The following RARA variants were observed in gnomAD, a reference collection of about 807,000 sequenced individuals.
RARA encodes PML-DDX5-RARA fusion.
A neutral mutation model predicts 42.8 loss-of-function variants in RARA; 5 were observed. The observed-to-expected ratio is 0.12, with a 90% CI of 0.06 to 0.25. RARA has a LOEUF of 0.25. Among genes scored for constraint, RARA ranks in the 10% least tolerant of loss-of-function variants. The probability of loss-of-function intolerance (pLI) is 1.00; values close to 1 mark genes in which losing one functional copy is unlikely to be tolerated. For synonymous variants in RARA, 256 were observed against 259.5 expected (o/e 0.99, Z 0.13); for missense variants, 402 against 628.7 (o/e 0.64, Z 3.86).
At chr17:40,330,140 C>T (rs2033653374) in intron 1 of RARA, among the ~76,000 whole-genome samples, 1 of 152,222 alleles carries the variant, frequency 6.6e-6, no homozygotes, top group South Asian at 2.1e-4. Flanking sequence ...TTTGCTTCTG[C>T]AGACAGAAGT....
chr17:40,331,489 G>A (rs1250429342), intron 2 of RARA, 93 bp downstream of exon 2: 1 of 1,401,814 alleles, frequency 7.1e-7, no homozygotes, highest in Non-Finnish European at 9.5e-7. Flanking sequence ...TCTGCTGTGA[G>A]TGGAAGGCAC....
chr17:40,331,932 G>A (rs1016862351), intron 2 of RARA, among the ~76,000 whole-genome samples: 2 of 152,170 alleles, frequency 1.3e-5, no homozygotes, highest in Admixed American at 6.5e-5. Flanking sequence ...CCTTTGTGGG[G>A]AGGATGAGAG....
At chr17:40,339,079 G>A (rs543771852) in intron 2 of RARA, among the ~76,000 whole-genome samples, 312 of 152,322 alleles carry the variant, frequency 2.0e-3, no homozygotes, top group Non-Finnish European at 3.6e-3. Context: ...GGCTGGGCGA[G>A]TTGCCGTTAG....
intron 1 of RARA, among the ~76,000 whole-genome samples, chr17:40,315,811 A>G (rs1195209943): frequency 1.3e-5 from 2 of 152,096 alleles, no homozygotes; most frequent in Non-Finnish European, 2.9e-5. Context: ...TCTAGTTTGA[A>G]GAGGGATGGG....
chr17:40,327,068 CT>C (rs1484039637), intron 1 of RARA, among the ~76,000 whole-genome samples: 4 of 151,724 alleles, frequency 2.6e-5, no homozygotes, highest in Non-Finnish European at 5.9e-5. Context: ...TGATAGGGGT[CT>C]GGGGAGGCCT....
At chr17:40,341,358 G>A (rs1240013825) in intron 2 of RARA, 17 of 1,446,320 alleles carry the variant, frequency 1.2e-5, no homozygotes, top group Admixed American at 2.6e-5. Context: ...CACCCGCGCT[G>A]CCGCGTCGGG....
chr17:40,330,640 T>C (rs2033666149), intron 1 of RARA, among the ~76,000 whole-genome samples: 1 of 152,178 alleles, frequency 6.6e-6, no homozygotes, highest in Non-Finnish European at 1.5e-5. Context: ...TTCTGGGCTC[T>C]GTCCCTGTCT....
At chr17:40,321,340 C>T (rs534893688) in intron 1 of RARA, among the ~76,000 whole-genome samples, 7 of 152,052 alleles carry the variant, frequency 4.6e-5, no homozygotes, top group African/African-American at 1.7e-4. Context: ...CCGCCCTCCC[C>T]TCGCTCCCCC....
Position 40,356,331 on chromosome 17 carries a change from C to CGGGA in RARA, c.*108_*109insAGGG. 2 of 1,258,372 alleles carry CGGGA rather than the reference C, an allele frequency of 1.6e-6. No homozygotes were observed. The highest frequency in any genetic ancestry group is 2.2e-6 in the Non-Finnish European group (2 of 890,482). 78.0% of individuals were successfully genotyped at this position (1,258,372 alleles called of 1,614,324 possible). A position where few individuals can be genotyped will look rare whatever the true frequency, so the allele number is the denominator to read the frequency against. On this transcript the variant is annotated 3_prime_UTR_variant, in exon 9 of 9. Coordinates refer to ENST00000254066, the MANE Select transcript of RARA (RefSeq NM_000964.4). ...CCAGCCCTGCCCCCACCTGCCCTCC[C>CGGGA]GGGCAGTACTGGGGACCTTCCCTGG...
At chr17:40,332,599 C>G (rs1458704176) in intron 2 of RARA, among the ~76,000 whole-genome samples, 2 of 152,226 alleles carry the variant, frequency 1.3e-5, no homozygotes, top group Non-Finnish European at 2.9e-5. Flanking sequence ...CCACCACCAC[C>G]ACTGCTTCCT....
chr17:40,356,943 C>T lies in RARA; in HGVS notation c.*717C>T, dbSNP rs1019368378. The T allele has an allele frequency of 2.6e-6, 1 of 390,334 alleles. No individual in the cohort carries two copies. The highest frequency in any genetic ancestry group is 4.8e-6 in the Non-Finnish European group (1 of 209,242). The allele number at this position is 390,334 out of a possible 1,614,324, so 24.2% of individuals were successfully genotyped here. On this transcript the variant is annotated 3_prime_UTR_variant, in exon 9 of 9. Transcript: ENST00000254066. ...CCCCAGTTCTCCTCCTCAGCCTTTT[C>T]CTCCTCAGTTTTCTCTTTAAAACTG...
At chr17:40,330,318 C>G (rs924635636) in intron 1 of RARA, among the ~76,000 whole-genome samples, 2 of 152,116 alleles carry the variant, frequency 1.3e-5, no homozygotes, top group Admixed American at 1.3e-4. Flanking sequence ...TTAGTGTGTA[C>G]GTAAATGGGC....
At chr17:40,332,148 C>T (rs1050675303) in intron 2 of RARA, among the ~76,000 whole-genome samples, 3 of 152,152 alleles carry the variant, frequency 2.0e-5, no homozygotes, top group Admixed American at 6.5e-5. Flanking sequence ...TGGGAGGTGG[C>T]GGCAGCTCTG....
Position 40,320,428 on chromosome 17 carries a change from CACCCCATCT to C in RARA, c.-362-10427_-362-10419del, listed in dbSNP as rs1340212498. ...ACACATGCCATGACGTGGTTCCTGC[CACCCCATCT>C]AAGTATGGGGGAGAGGACATTGTCT... On this transcript the variant is annotated intron_variant, in intron 1 of 8. Transcript: ENST00000254066. The surrounding 1 kb of genome is among the most constrained non-coding windows in gnomAD (Gnocchi z 4.1). Among the ~76,000 whole-genome samples the C allele has an allele frequency of 6.6e-6, 1 of 152,204 alleles. No individual in the cohort carries two copies. The highest frequency in any genetic ancestry group is 1.5e-5 in the Non-Finnish European group (1 of 68,036).
At chr17:40,317,696 T>A (rs1006603691) in intron 1 of RARA, among the ~76,000 whole-genome samples, 2 of 150,184 alleles carry the variant, frequency 1.3e-5, no homozygotes, top group Non-Finnish European at 2.9e-5. Flanking sequence ...ACTCCTGGAC[T>A]CTTTTTTTTT....
rs180729808 is a variant in RARA, at chr17:40,349,948, C to T, written c.469+23C>T. On this transcript the variant is annotated intron_variant, in intron 4 of 8. Coordinates refer to ENST00000254066, the MANE Select transcript of RARA (RefSeq NM_000964.4). ...AGTGTGAGTGCCATAGGGCAGGGGC[C>T]GAGTCCCGCCTCAGTTGGGGTCTCA... 4.9e-5 allele frequency: 79 copies of T among 1,611,192 alleles called. 1 individual carries two copies. Among genetic ancestry groups the T allele is most frequent in the Non-Finnish European group, 6.2e-5 (73 of 1,177,812 alleles).
rs1021094724 is a variant in RARA at position 40,355,757 on chromosome 17, G to A, written c.1172-252G>A. On this transcript the variant is annotated intron_variant, in intron 8 of 8. Transcript: ENST00000254066. The surrounding 1 kb of genome is among the most constrained non-coding windows in gnomAD (Gnocchi z 4.1). ...ATGATCCCTAGCACACAGCACAGGG[G>A]AAGGAAGGGCTTGGCGTCTAGCCCA... Among the ~76,000 whole-genome samples the A allele has an allele frequency of 3.3e-5, 5 of 152,256 alleles. No individual in the cohort carries two copies. Among genetic ancestry groups the A allele is most frequent in the African/African-American group, 1.2e-4 (5 of 41,470 alleles).
In RARA at chr17:40,354,232, G is replaced by C. The variant is rs938478757; in HGVS notation, c.808-70G>C. 1.4e-6 allele frequency: 2 copies of C among 1,461,808 alleles called. No homozygotes were observed. The highest frequency in any genetic ancestry group is 2.8e-5 in the African/African-American group (2 of 71,528). 90.6% of individuals were successfully genotyped at this position (1,461,808 alleles called of 1,614,324 possible). A position where few individuals can be genotyped will look rare whatever the true frequency, so the allele number is the denominator to read the frequency against. ...GTGGTCCTCCGGGAGTGCTGGTGCG[G>C]AGTGCTGGTGCCGAGTGCTCAGAGT... On this transcript the variant is annotated intron_variant, in intron 6 of 8. Transcript: ENST00000254066. The surrounding 1 kb of genome is among the most constrained non-coding windows in gnomAD (Gnocchi z 4.5).
At chr17:40,312,237 G>A (rs929519438) in intron 1 of RARA, among the ~76,000 whole-genome samples, 2 of 152,212 alleles carry the variant, frequency 1.3e-5, no homozygotes, top group Non-Finnish European at 2.9e-5. Context: ...TTTCCCTCTA[G>A]ACCGCTTGCC....
Sources: allele counts gnomAD v4.1 joint callset (sites outside exome capture counted in the v4.1 genomes callset), GRCh38; gene constraint gnomAD v4.1.1; non-coding constraint Gnocchi (gnomAD v3.1); transcripts MANE v1.5; gene names NCBI Gene and HGNC (gene_info 2026-07-23, HGNC 2026-07-21).